The following PCDHA1 variants were observed in gnomAD, a reference collection of about 807,000 sequenced individuals.
The protein encoded by PCDHA1 is protocadherin alpha 1.
PCDHA1 carries 42 observed loss-of-function variants against 61.3 expected under a neutral mutation model. The ratio of observed to expected loss-of-function variants is 0.69; its 90% CI spans 0.54 to 0.89. The LOEUF is 0.89. Ranked by LOEUF, PCDHA1 falls within the 40% of genes least tolerant of loss-of-function variation. The probability of loss-of-function intolerance (pLI) is 0.00; values close to 1 mark genes in which losing one functional copy is unlikely to be tolerated. For missense variants in PCDHA1, 1,256 were observed against 1,235.3 expected (o/e 1.02, Z -0.25); for synonymous variants, 610 against 553.8 (o/e 1.10, Z -1.43).
At position 140,870,595 on chromosome 5, in the gene PCDHA1, T is replaced by G. The variant is rs573002634; in HGVS notation, c.2394+81911T>G. ...GTCCTACTCGCTGGTGGAGCGGCGG[T>G]TGGGCGACCGCGCGCTGTCGAGCTA... On this transcript the variant is annotated intron_variant, in intron 1 of 3. Transcript: ENST00000504120. The G allele has an allele frequency of 8.9e-5, 144 of 1,613,242 alleles. No homozygotes were observed. The South Asian group carries it at 9.4e-4, about 11-fold the overall frequency.
At chr5:140,960,112 T>C (rs145534809) in intron 1 of PCDHA1, among the ~76,000 whole-genome samples, 45 of 152,352 alleles carry the variant, frequency 3.0e-4, no homozygotes, top group Non-Finnish European at 4.3e-4. Flanking sequence ...GTGGGAACAA[T>C]AGTATTCCTT....
Position 140,875,458 on chromosome 5 carries a change from C to T in PCDHA1, c.2394+86774C>T, listed in dbSNP as rs149655466. ...AAAACTGATTGTCCCAACTCAGAGG[C>T]CCTCATTTTCTGCAATGGTGATTAT... On this transcript the variant is annotated intron_variant, in intron 1 of 3. Transcript: ENST00000504120. The T allele has an allele frequency of 1.1e-3, 1,729 of 1,596,942 alleles. 10 individuals are homozygous for T. In the African/African-American group the frequency reaches 0.015, roughly 14 times the overall value.
intron 3 of PCDHA1, among the ~76,000 whole-genome samples, chr5:140,998,540 T>TA (rs1304307081): frequency 6.6e-6 from 1 of 151,542 alleles, no homozygotes; most frequent in African/African-American, 2.4e-5. Context: ...CCCTAATTCC[T>TA]AATTTAATGT....
intron 1 of PCDHA1, chr5:140,883,711 C>G: frequency 6.2e-7 from 1 of 1,613,576 alleles, no homozygotes; most frequent in Admixed American, 1.7e-5. Flanking sequence ...CTGCTCAGGA[C>G]GCGGACGCAC....
chr5:140,982,634 T>C, intron 3 of PCDHA1, 71 bp downstream of exon 3: 1 of 1,555,420 alleles, frequency 6.4e-7, no homozygotes, highest in Non-Finnish European at 8.7e-7. Flanking sequence ...TTTTGTAAGA[T>C]CAGGAATGTT....
chr5:140,940,770 T>A (rs560965178), intron 1 of PCDHA1, among the ~76,000 whole-genome samples: 5 of 152,270 alleles, frequency 3.3e-5, no homozygotes, highest in Non-Finnish European at 7.3e-5. Context: ...ATTTGACTTT[T>A]GATGGTCCAT....
At chr5:140,917,518 C>T (rs1159309425) in intron 1 of PCDHA1, among the ~76,000 whole-genome samples, 3 of 152,198 alleles carry the variant, frequency 2.0e-5, no homozygotes, top group Non-Finnish European at 4.4e-5. Context: ...AGGTTTTATT[C>T]TACGGTTTGT....
At chr5:141,000,183 A>G (rs2097895175) in intron 3 of PCDHA1, among the ~76,000 whole-genome samples, 1 of 151,898 alleles carries the variant, frequency 6.6e-6, no homozygotes, top group Non-Finnish European at 1.5e-5. Context: ...CAAGGAGTCA[A>G]TGTGAGAATA....
intron 1 of PCDHA1, among the ~76,000 whole-genome samples, chr5:140,926,076 T>C (rs2082906284): frequency 1.3e-5 from 2 of 152,204 alleles, no homozygotes; most frequent in Admixed American, 1.3e-4. Context: ...TCGTCTCTAT[T>C]GCCCTCTTGG....
In PCDHA1 at chr5:140,835,839, A is replaced by G. The variant is rs2150246245; in HGVS notation, c.2394+47155A>G. On this transcript the variant is annotated intron_variant, in intron 1 of 3. Coordinates refer to ENST00000504120, the MANE Select transcript of PCDHA1 (RefSeq NM_018900.4). ...GTCGGCGGGGGACGCGGACGCGCAG[A>G]AGAACGCGCTGGTGTCCTACTCGCT... 1.9e-5 allele frequency: 31 copies of G among 1,612,256 alleles called. No individual in the cohort carries two copies. The Admixed American group carries it at 4.2e-4, about 22-fold the overall frequency.
At chr5:140,858,637 A>G in intron 1 of PCDHA1, 1 of 969,728 alleles carries the variant, frequency 1.0e-6, no homozygotes, top group Non-Finnish European at 1.5e-6. Context: ...TCAGCCTTTG[A>G]TTGGTACTTA....
chr5:141,011,085 T>C lies in PCDHA1; in HGVS notation c.*1148T>C, dbSNP rs2098419298. The C allele has an allele frequency of 6.5e-6, 1 of 153,776 alleles. No homozygotes were observed. Among genetic ancestry groups the C allele is most frequent in the Non-Finnish European group, 1.5e-5 (1 of 68,046 alleles). The allele number at this position is 153,776 out of a possible 1,614,324, so 9.5% of individuals were successfully genotyped here. A position where few individuals can be genotyped will look rare whatever the true frequency, so the allele number is the denominator to read the frequency against. ...ATGTATTACTAAATAAAATGATCTC[T>C]CTTTCTCTCTCTCTCTCTCTTTTCT... On this transcript the variant is annotated 3_prime_UTR_variant, in exon 4 of 4. Transcript: ENST00000504120.
chr5:140,968,221 T>C, intron 1 of PCDHA1: 1 of 1,613,918 alleles, frequency 6.2e-7, no homozygotes, highest in Admixed American at 1.7e-5. Context: ...ATTTGCCAGG[T>C]GTGTTGCTCT....
chr5:140,940,551 T>C (rs2092639776), intron 1 of PCDHA1, among the ~76,000 whole-genome samples: 1 of 152,214 alleles, frequency 6.6e-6, no homozygotes, highest in African/African-American at 2.4e-5. Context: ...TGGGCTCAAG[T>C]GATTCTCCTA....
chr5:140,878,253 G>A lies in PCDHA1; in HGVS notation c.2394+89569G>A, dbSNP rs182369955. 2.6e-3 allele frequency among the ~76,000 whole-genome samples: 400 copies of A among 152,208 alleles called. 1 individual carries two copies. The highest frequency in any genetic ancestry group is 9.2e-3 in the African/African-American group (384 of 41,530). Reference sequence around the variant, plus strand: ...AATGGATTCTTTAACTCTTCCTCACGTGCTTAGGCTTTTAAAATAGCCTTC... The same window carrying A: ...AATGGATTCTTTAACTCTTCCTCACATGCTTAGGCTTTTAAAATAGCCTTC... On this transcript the variant is annotated intron_variant, in intron 1 of 3. Transcript: ENST00000504120.
intron 1 of PCDHA1, among the ~76,000 whole-genome samples, chr5:140,879,733 A>G (rs1213918807): frequency 6.6e-6 from 1 of 152,218 alleles, no homozygotes; most frequent in African/African-American, 2.4e-5. Flanking sequence ...GTCCAAAATC[A>G]AGGTGTTGTC....
chr5:140,853,550 A>G lies in PCDHA1; in HGVS notation c.2394+64866A>G, dbSNP rs1220580978. The G allele has an allele frequency of 5.1e-6, 5 of 979,400 alleles. 1 individual carries two copies. Among genetic ancestry groups the G allele is most frequent in the Non-Finnish European group, 6.2e-6 (5 of 811,998 alleles). 60.7% of individuals were successfully genotyped at this position (979,400 alleles called of 1,614,324 possible). A position where few individuals can be genotyped will look rare whatever the true frequency, so the allele number is the denominator to read the frequency against. On this transcript the variant is annotated intron_variant, in intron 1 of 3. Transcript: ENST00000504120. The stretch of plus-strand genomic sequence containing the variant: ...TGTCTCTTTTCAAGTTGTAATTACT[A>G]TATAGGAAAAACTAAGTTGTCACCC...
chr5:140,843,595 G>A, intron 1 of PCDHA1: 1 of 1,596,100 alleles, frequency 6.3e-7, no homozygotes, highest in Admixed American at 1.7e-5. Flanking sequence ...CGCAGAGGGT[G>A]TGCTCTGGTG....
intron 1 of PCDHA1, chr5:140,828,626 G>A (rs2150157577): frequency 1.2e-6 from 2 of 1,614,092 alleles, no homozygotes; most frequent in Admixed American, 3.3e-5. Context: ...CGAATACTTC[G>A]GGCTAGATGT....
Sources: gnomAD v4.1 joint callset for allele counts (sites outside exome capture counted in the v4.1 genomes callset) on GRCh38, gnomAD v4.1.1 for gene constraint, MANE v1.5 for transcripts, NCBI Gene and HGNC (gene_info 2026-07-23, HGNC 2026-07-21) for gene names.